ZNF496: variants seen among roughly 807,000 people sequenced by gnomAD.
ZNF496 encodes zinc finger protein 496, also known as NSD1 (nuclear receptor binding SET-domain containing 1)-interacting zinc finger protein 1.
A neutral mutation model predicts 58.9 loss-of-function variants in ZNF496; 11 were observed. The observed-to-expected ratio is 0.19, with a 90% confidence interval of 0.12 to 0.31. The LOEUF is 0.31. ZNF496 is among the 10% of genes least tolerant of loss of function. The probability of loss-of-function intolerance (pLI) is 1.00; values close to 1 mark genes in which losing one functional copy is unlikely to be tolerated. For missense variants in ZNF496, 660 were observed against 783.0 expected, an observed-to-expected ratio of 0.84 and a Z score of 1.88; for synonymous variants, 338 against 318.2, an observed-to-expected ratio of 1.06 and a Z score of -0.66.
intron 9 of ZNF496, chr1:247,307,138 A>G: frequency 1.0e-6 from 1 of 985,462 alleles, no homozygotes; most frequent in East Asian, 1.1e-4. Flanking sequence ...CAAACTGAAC[A>G]TCTGGGAGTG....
At chr1:247,306,605 G>A (rs749387669) in intron 9 of ZNF496, among the ~76,000 whole-genome samples, 2 of 150,820 alleles carry the variant, frequency 1.3e-5, no homozygotes, top group Admixed American at 6.6e-5. Context: ...AGGTTCAAGC[G>A]ATTCTCCTGC....
chr1:247,310,528 C>A, intron 6 of ZNF496, 72 bp from the exon 7 acceptor site: 1 of 1,584,954 alleles, frequency 6.3e-7, no homozygotes, highest in Non-Finnish European at 8.6e-7. Flanking sequence ...TCCACTGAGG[C>A]TGTGACAACA....
intron 9 of ZNF496, chr1:247,303,983 C>A (rs1330241772): frequency 3.1e-6 from 1 of 318,570 alleles, no homozygotes; most frequent in Non-Finnish European, 6.3e-6. Flanking sequence ...CGTCTGACGG[C>A]CTGCAACCCT....
intron 6 of ZNF496, chr1:247,311,414 A>G (rs183176724): frequency 6.0e-5 from 7 of 116,612 alleles, no homozygotes; most frequent in African/African-American, 2.2e-4. Flanking sequence ...AAAAAAAAAC[A>G]AAACACACAC....
At position 247,308,583 on chromosome 1, in the gene ZNF496, G is replaced by T. The variant is rs1659491309; in HGVS notation, c.898C>A (p.Pro300Thr). The change falls in exon 9 of 10, where the codon CCA becomes ACA. Residue 300 changes from proline (P) to threonine (T), a missense_variant. Transcript: ENST00000682384. This position sits in a 1 kb window ranked among gnomAD's most constrained non-coding sequence, Gnocchi z 4.5. Reference protein sequence around the residue: ...EVPQVSYLDSPSLQPFQVEER... With the variant: ...EVPQVSYLDSTSLQPFQVEER... ...TCTACCTGGAATGGCTGGAGACTTGGAGAGTCTTTCCAGAGGAGGAAATGG... is the reference window on the plus strand; with the variant it reads ...TCTACCTGGAATGGCTGGAGACTTGTAGAGTCTTTCCAGAGGAGGAAATGG... 6.2e-7 allele frequency: 1 copy of T among 1,613,938 alleles called. No homozygotes were observed. The highest frequency in any genetic ancestry group is 2.2e-5 in the East Asian group (1 of 44,868).
chr1:247,329,386 C>G lies in ZNF496; in HGVS notation c.193G>C (p.Asp65His). 1.2e-6 allele frequency: 2 copies of G among 1,613,426 alleles called. No homozygotes were observed. The highest frequency in any genetic ancestry group is 1.7e-6 in the Non-Finnish European group (2 of 1,179,898). The change falls in exon 4 of 10, where the codon GAC (aspartate) becomes CAC (histidine). Residue 65 changes from aspartate (D) to histidine (H), a missense_variant. Asp to His is a moderately conservative substitution (Grantham distance 81). Transcript: ENST00000682384. This position sits in a 1 kb window ranked among gnomAD's most constrained non-coding sequence, Gnocchi z 5.5. ...GGCCGCAGCCAGCCCCCGCACAGGT[C>G]CCAGAGGCGCTGCAGGGCCTCCCGG... ...GPREALQRLWDLCGGWLRPER... is the reference protein window; with the variant it reads ...GPREALQRLWHLCGGWLRPER...
chr1:247,300,931 T>C lies in ZNF496; in HGVS notation c.1352A>G (p.Asp451Gly), dbSNP rs1292522161. 4 of 1,613,784 alleles carry C rather than the reference T, an allele frequency of 2.5e-6. No individual in the cohort carries two copies. In the East Asian group the frequency reaches 6.7e-5, roughly 27 times the overall value. ...GGCCTCGTGGCTCTCTAGGTGCCCA[T>C]CCAGGTCCTCGCTGTCGCTGAACAG... The part of the protein sequence containing the change: ...GELFSDSEDL[D>G]GHLESHEAQK... The change falls in exon 10 of 10, where the codon GAT becomes GGT. Residue 451 changes from aspartate to glycine, a missense_variant. Coordinates refer to ENST00000682384, the MANE Select transcript of ZNF496 (RefSeq NM_032752.3). This position sits in a 1 kb window ranked among gnomAD's most constrained non-coding sequence, Gnocchi z 5.7.
Position 247,317,336 on chromosome 1 carries a change from C to T in ZNF496, c.651+5818G>A, listed in dbSNP as rs572507491. On this transcript the variant is annotated intron_variant, in intron 6 of 9. Coordinates refer to ENST00000682384, the MANE Select transcript of ZNF496 (RefSeq NM_032752.3). ...AGACCAAAAAAAGCTCCAACAAAAGCCACAGGACCTGGACAGGGGCAGCCC... is the reference window on the plus strand; with the variant it reads ...AGACCAAAAAAAGCTCCAACAAAAGTCACAGGACCTGGACAGGGGCAGCCC... 6.2e-4 allele frequency among the ~76,000 whole-genome samples: 95 copies of T among 152,144 alleles called. 1 individual carries two copies. Among genetic ancestry groups the T allele is most frequent in the Non-Finnish European group, 1.1e-3 (74 of 68,034 alleles).
intron 6 of ZNF496, among the ~76,000 whole-genome samples, chr1:247,322,241 C>A (rs887453552): frequency 6.6e-6 from 1 of 152,116 alleles, no homozygotes; most frequent in Non-Finnish European, 1.5e-5. Context: ...TACGACTGTG[C>A]CACTGCATTG....
intron 9 of ZNF496, among the ~76,000 whole-genome samples, chr1:247,303,403 AG>A: frequency 6.6e-6 from 1 of 152,362 alleles, no homozygotes; most frequent in Non-Finnish European, 1.5e-5. Context: ...CTTTGGCACC[AG>A]GAAGTAGGGT....
intron 9 of ZNF496, among the ~76,000 whole-genome samples, chr1:247,302,165 G>A (rs189777947): frequency 5.9e-5 from 9 of 152,276 alleles, no homozygotes; most frequent in South Asian, 2.1e-4. Flanking sequence ...AGAACTTGGG[G>A]GGAGTGAACC....
At chr1:247,320,160 T>G (rs1245233497) in intron 6 of ZNF496, among the ~76,000 whole-genome samples, 1 of 152,218 alleles carries the variant, frequency 6.6e-6, no homozygotes, top group Non-Finnish European at 1.5e-5. Flanking sequence ...AAGACTGATG[T>G]GTATATAAAA....
chr1:247,299,168 C>T lies in ZNF496; in HGVS notation c.*1351G>A, dbSNP rs1659160549. 6.6e-6 allele frequency: 1 copy of T among 152,232 alleles called. No individual in the cohort carries two copies. Among genetic ancestry groups the T allele is most frequent in the South Asian group, 2.1e-4 (1 of 4,834 alleles). The allele number at this position is 152,232 out of a possible 1,614,324, so 9.4% of individuals were successfully genotyped here. On this transcript the variant is annotated 3_prime_UTR_variant, in exon 10 of 10. Coordinates refer to ENST00000682384, the MANE Select transcript of ZNF496 (RefSeq NM_032752.3). ...CAAATTCCGATGTTGAAGTCCCAAC[C>T]TCTAGTACCTCAGAATGTGACCTTA...
rs1451111053 is a variant in ZNF496 at position 247,309,120 on chromosome 1, T to A, written c.893-532A>T. ...AGGTGTGGAGCTGCTGATGATTCTG[T>A]ACAAAGCTATTTCCTCCTGAAGGAG... is the stretch of plus-strand genomic sequence containing the variant. On this transcript the variant is annotated intron_variant, in intron 8 of 9. Transcript: ENST00000682384. This position sits in a 1 kb window ranked among gnomAD's most constrained non-coding sequence, Gnocchi z 4.3. 5.9e-6 allele frequency: 1 copy of A among 168,302 alleles called. No individual in the cohort carries two copies. Among genetic ancestry groups the A allele is most frequent in the Non-Finnish European group, 1.3e-5 (1 of 78,032 alleles). The allele number at this position is 168,302 out of a possible 1,614,324, so 10.4% of individuals were successfully genotyped here. A position where few individuals can be genotyped will look rare whatever the true frequency, so the allele number is the denominator to read the frequency against.
intron 2 of ZNF496, among the ~76,000 whole-genome samples, chr1:247,331,014 G>A (rs1344062974): frequency 2.0e-5 from 3 of 152,318 alleles, no homozygotes; most frequent in East Asian, 3.9e-4. Context: ...GGGCGGCTCC[G>A]GCATCTGGAG....
Position 247,328,808 on chromosome 1 carries a change from T to C in ZNF496, c.449A>G (p.Glu150Gly). 6.2e-7 allele frequency: 1 copy of C among 1,613,418 alleles called. No individual in the cohort carries two copies. The highest frequency in any genetic ancestry group is 8.5e-7 in the Non-Finnish European group (1 of 1,179,718). Reference sequence around the variant, plus strand: ...GGGCTCTACCGGCAGCTGCTCCTGCTCCTGGTCCAGAGGGCTGTCCCCATC... The same window carrying C: ...GGGCTCTACCGGCAGCTGCTCCTGCCCCTGGTCCAGAGGGCTGTCCCCATC... The part of the protein sequence containing the change: ...IDDGDSPLDQ[E>G]QEQLPVEPHS... Residue 150 changes from glutamate (E) to glycine (G), a missense_variant, in exon 5 of 10, where the codon GAG becomes GGG. Physicochemically the swap from Glu to Gly is moderately conservative, Grantham distance 98. Transcript: ENST00000682384.
chr1:247,326,145 CATAT>C (rs71568611), intron 5 of ZNF496, among the ~76,000 whole-genome samples: 1 of 146,480 alleles, frequency 6.8e-6, no homozygotes. Context: ...TATATACACA[CATAT>C]ATATATATAT....
Position 247,300,157 on chromosome 1 carries a change from T to G in ZNF496, c.*362A>C. 5.4e-6 allele frequency: 1 copy of G among 184,074 alleles called. No individual in the cohort carries two copies. The highest frequency in any genetic ancestry group is 2.3e-5 in the African/African-American group (1 of 42,822). The allele number at this position is 184,074 out of a possible 1,614,324, so 11.4% of individuals were successfully genotyped here. A position where few individuals can be genotyped will look rare whatever the true frequency, so the allele number is the denominator to read the frequency against. ...AAGGAGGGGAGGGAGTATACTGAGG[T>G]TTGGCTGGTGACCAGGGTGCCGCCC... On this transcript the variant is annotated 3_prime_UTR_variant, in exon 10 of 10. Transcript: ENST00000682384. The surrounding 1 kb of genome is among the most constrained non-coding windows in gnomAD (Gnocchi z 5.7).
At chr1:247,307,184 A>G in intron 9 of ZNF496, 2 of 985,440 alleles carry the variant, frequency 2.0e-6, no homozygotes, top group South Asian at 4.7e-5. Context: ...AGCAGACCTT[A>G]TCACCAGCTA....
Sources: allele counts gnomAD v4.1 joint callset (sites outside exome capture counted in the v4.1 genomes callset), GRCh38; gene constraint gnomAD v4.1.1; non-coding constraint Gnocchi (gnomAD v3.1); transcripts MANE v1.5; gene names NCBI Gene and HGNC (gene_info 2026-07-23, HGNC 2026-07-21).